Variants in BCORL1 observed in about 807,000 individuals in gnomAD.
The protein encoded by BCORL1 is BCL-6 corepressor-like protein 1.
Under a neutral mutation model 87.6 loss-of-function variants are expected in BCORL1, and 7 were observed. The observed-to-expected ratio is 0.08, with a 90% CI of 0.05 to 0.15. The LOEUF is 0.15. Among genes scored for constraint, BCORL1 ranks in the 10% least tolerant of loss-of-function variants. BCORL1 has a pLI of 1.00. For synonymous variants in BCORL1, 591 were observed against 634.4 expected (o/e 0.93, Z 1.03); for missense variants, 1,215 against 1,499.7 (o/e 0.81, Z 3.13).
chrX:130,028,857 CA>C lies in BCORL1; in HGVS notation c.4304del (p.Lys1435ArgfsTer20). ...TKHMATVSEE[A>X]KGKGRWSQQK... ...CACATGGCAACCGTCTCAGAAGAGG[CA>C]AAGGTGTGTAGCTATCAAGGGGTAT... is the stretch of plus-strand genomic sequence containing the variant. On this transcript the variant is annotated frameshift_variant, in exon 8 of 14. Transcript: ENST00000540052. LOFTEE classifies it high-confidence loss of function. 1 of 1,185,353 alleles carries C rather than the reference CA, an allele frequency of 8.4e-7. No homozygotes were observed. Among genetic ancestry groups the C allele is most frequent in the Non-Finnish European group, 1.1e-6 (1 of 884,401 alleles).
At chrX:130,021,760 G>A (rs747665708) in intron 5 of BCORL1, among the ~76,000 whole-genome samples, 2 of 110,505 alleles carry the variant, frequency 1.8e-5, no homozygotes, top group Non-Finnish European at 3.8e-5. Flanking sequence ...CCCACCTGAC[G>A]TGACTATGAC....
At chrX:130,018,888 C>A (rs1003197303) in intron 4 of BCORL1, among the ~76,000 whole-genome samples, 1 of 111,915 alleles carries the variant, frequency 8.9e-6, no homozygotes, top group African/African-American at 3.2e-5. Context: ...TGTTGATCAG[C>A]AAACTAAGAT....
At position 130,021,118 on chromosome X, in the gene BCORL1, C is replaced by T. The variant is rs373723553; in HGVS notation, c.3575C>T (p.Ser1192Phe). ...AAGCCGACAAAGCCGGAGTCCCAGT[C>T]TCCAGGAAAACGAGCCGACAGCCAC... ...HRKPTKPESQ[S>F]PGKRADSHEE... The change falls in exon 5 of 14, where the codon TCT (serine) becomes TTT (phenylalanine). Residue 1192 changes from serine (S) to phenylalanine (F), a missense_variant. Ser to Phe is a radical substitution (Grantham distance 155, BLOSUM62 -2). Coordinates refer to ENST00000540052, the MANE Select transcript of BCORL1 (RefSeq NM_001379451.1). 14 of 1,199,399 alleles carry T rather than the reference C, an allele frequency of 1.2e-5. No homozygotes were observed. The African/African-American group carries it at 2.5e-4, about 21-fold the overall frequency.
chrX:130,046,471 G>A (rs774359739), intron 11 of BCORL1, among the ~76,000 whole-genome samples: 11 of 108,840 alleles, frequency 1.0e-4, no homozygotes, highest in Admixed American at 6.9e-4. Flanking sequence ...CTCCGCCTCC[G>A]CCTCCCAGGT....
intron 8 of BCORL1, 141 bp from the exon 9 acceptor site, chrX:130,034,314 C>T (rs914193530): frequency 1.3e-5 from 5 of 372,614 alleles, no homozygotes; most frequent in African/African-American, 1.3e-4. Flanking sequence ...GTAGTCTCGG[C>T]CATTTAGGGT....
chrX:130,024,859 T>C, intron 6 of BCORL1, 131 bp from the exon 7 acceptor site: 2 of 956,739 alleles, frequency 2.1e-6, no homozygotes, highest in South Asian at 4.7e-5. Flanking sequence ...TCCCGAACGG[T>C]ACAGCTAATA....
At chrX:130,047,695 C>T (rs1383967702) in intron 11 of BCORL1, among the ~76,000 whole-genome samples, 3 of 111,697 alleles carry the variant, frequency 2.7e-5, no homozygotes, top group South Asian at 7.4e-4. Context: ...GCATGTGTTT[C>T]GGCATGTTGG....
At chrX:129,994,979 A>G (rs1927445796) in intron 1 of BCORL1, among the ~76,000 whole-genome samples, 1 of 110,923 alleles carries the variant, frequency 9.0e-6, no homozygotes. Flanking sequence ...GAAGCAAAGT[A>G]AAGTGTTTGG....
intron 2 of BCORL1, among the ~76,000 whole-genome samples, chrX:130,010,263 G>C (rs184876565): frequency 8.9e-6 from 1 of 112,170 alleles, no homozygotes; most frequent in East Asian, 2.8e-4. Flanking sequence ...TTGCTTGGGG[G>C]AAGTGCTGCT....
intron 2 of BCORL1, among the ~76,000 whole-genome samples, chrX:130,008,511 C>A (rs1006840758): frequency 9.0e-6 from 1 of 111,091 alleles, no homozygotes; most frequent in Non-Finnish European, 1.9e-5. Flanking sequence ...GATCCACCTG[C>A]CTCAGCCTCC....
chrX:130,049,918 A>G (rs758320535), intron 11 of BCORL1, among the ~76,000 whole-genome samples: 1 of 111,750 alleles, frequency 8.9e-6, no homozygotes, highest in East Asian at 2.8e-4. Context: ...TCTACACCGT[A>G]TAAAGTGGAG....
rs1460785421 is a variant in BCORL1 at position 130,050,722 on chromosome X, C to T, written c.4846C>T (p.Leu1616Phe). 8.3e-7 allele frequency: 1 copy of T among 1,210,886 alleles called. No homozygotes were observed. Among genetic ancestry groups the T allele is most frequent in the East Asian group, 3.0e-5 (1 of 33,832 alleles). ...GCCTGCTCTTCTTTCATCAGATCAC[C>T]TCTCGGATCTTCAGGGCCGGGCAGA... The part of the protein sequence containing the change: ...DTMKRFLSDH[L>F]SDLQGRAEGD... Residue 1616 changes from leucine (L) to phenylalanine (F), a missense_variant, in exon 12 of 14, where the codon CTC becomes TTC. Around this residue, in one of 5 missense-constraint regions of BCORL1, gnomAD observed 129 missense variants for 157.5 expected, o/e 0.82. Transcript: ENST00000540052.
At position 130,018,513 on chromosome X, in the gene BCORL1, T is replaced by C. The variant is rs751765088; in HGVS notation, c.3441+2300T>C. On this transcript the variant is annotated intron_variant, in intron 4 of 13. Transcript: ENST00000540052. ...AGTAAAGCTGTCATTTTAAAAAAGA[T>C]TAAAGAACGTGATATACATAAGTGT... is the stretch of plus-strand genomic sequence containing the variant. Among the ~76,000 whole-genome samples the C allele has an allele frequency of 1.3e-4, 15 of 112,813 alleles. No homozygotes were observed. In the Middle Eastern group the frequency reaches 0.014, roughly 104 times the overall value.
chrX:130,005,759 G>A (rs1472386615), intron 2 of BCORL1, among the ~76,000 whole-genome samples: 2 of 108,386 alleles, frequency 1.8e-5, no homozygotes, highest in African/African-American at 6.8e-5. Context: ...GGGACCACAT[G>A]CAAGCAACAC....
intron 2 of BCORL1, chrX:130,010,749 T>C (rs1391409018): frequency 9.1e-6 from 1 of 110,144 alleles, no homozygotes; most frequent in Non-Finnish European, 1.9e-5. Flanking sequence ...TCCAGCAACC[T>C]GACTGCCCTT....
intron 9 of BCORL1, among the ~76,000 whole-genome samples, chrX:130,035,072 T>C (rs1157922193): frequency 9.0e-6 from 1 of 111,409 alleles, no homozygotes; most frequent in Non-Finnish European, 1.9e-5. Flanking sequence ...AGGATCATGT[T>C]TGAGGGGCGA....
intron 2 of BCORL1, among the ~76,000 whole-genome samples, chrX:130,006,819 C>T (rs774572044): frequency 2.8e-4 from 31 of 111,576 alleles, no homozygotes; most frequent in Admixed American, 4.8e-4. Flanking sequence ...ATCCACTCAC[C>T]TCGGCCTCCC....
chrX:130,022,500 G>A (rs1469974010), intron 5 of BCORL1, among the ~76,000 whole-genome samples: 2 of 108,797 alleles, frequency 1.8e-5, no homozygotes, highest in Non-Finnish European at 1.9e-5. Flanking sequence ...CACCCACCTC[G>A]GCCTCCCAAA....
intron 13 of BCORL1, among the ~76,000 whole-genome samples, 192 bp from the exon 14 acceptor site, chrX:130,055,662 G>T (rs1320105572): frequency 2.7e-5 from 3 of 112,912 alleles, no homozygotes; most frequent in African/African-American, 9.6e-5. Flanking sequence ...GGGGACAGGA[G>T]AAGACATTTG....
Sources: gnomAD v4.1 joint callset for allele counts (sites outside exome capture counted in the v4.1 genomes callset) on GRCh38, gnomAD v4.1.1 for gene constraint, gnomAD v4.1.1 regional missense constraint, MANE v1.5 for transcripts, NCBI Gene and HGNC (gene_info 2026-07-23, HGNC 2026-07-21) for gene names.